NALF1: variants seen among roughly 807,000 people sequenced by gnomAD.
The protein encoded by NALF1 is NALCN channel auxiliary factor 1.
In NALF1, 3 loss-of-function variants were observed where a neutral mutation model predicts 48.4. That is an observed-to-expected ratio of 0.06 (90% confidence interval 0.03 to 0.16). The LOEUF (loss-of-function observed/expected upper bound fraction) is 0.16, where lower values mean the gene tolerates loss of function less well. NALF1 is among the 10% of genes least tolerant of loss of function. NALF1 has a pLI of 1.00. For missense variants in NALF1, 526 were observed against 571.5 expected (o/e 0.92, Z 0.81); for synonymous variants, 262 against 245.7 (o/e 1.07, Z -0.62).
At chr13:107,367,166 T>A (rs1296130500) in intron 1 of NALF1, among the ~76,000 whole-genome samples, 3 of 152,222 alleles carry the variant, frequency 2.0e-5, no homozygotes, top group Non-Finnish European at 2.9e-5. Flanking sequence ...AAAATTAATT[T>A]AAAAAAATAA....
At chr13:107,736,944 A>C (rs541420173) in intron 1 of NALF1, among the ~76,000 whole-genome samples, 1 of 152,338 alleles carries the variant, frequency 6.6e-6, no homozygotes, top group African/African-American at 2.4e-5. Context: ...CACAGCGAGG[A>C]AACCTTAATG....
intron 1 of NALF1, among the ~76,000 whole-genome samples, chr13:107,376,352 A>C (rs911445010): frequency 6.6e-6 from 1 of 152,176 alleles, no homozygotes; most frequent in Non-Finnish European, 1.5e-5. Flanking sequence ...AGAAGAATTT[A>C]CACGTTTCCT....
At chr13:107,418,306 G>C (rs568491334) in intron 1 of NALF1, among the ~76,000 whole-genome samples, 1 of 152,124 alleles carries the variant, frequency 6.6e-6, no homozygotes, top group South Asian at 2.1e-4. Flanking sequence ...AGTGTGAGCA[G>C]GGATCACTTA....
chr13:107,348,607 C>G (rs555502223), intron 1 of NALF1, among the ~76,000 whole-genome samples: 174 of 152,018 alleles, frequency 1.1e-3, no homozygotes, highest in African/African-American at 4.0e-3. Flanking sequence ...TCCCACCCCC[C>G]GGCAGGCCCC....
At chr13:107,558,945 C>G (rs1877561750) in intron 1 of NALF1, among the ~76,000 whole-genome samples, 1 of 152,180 alleles carries the variant, frequency 6.6e-6, no homozygotes, top group Admixed American at 6.5e-5. Context: ...ACACCCTTGG[C>G]TCAGTGCTGT....
At chr13:107,793,828 A>T (rs1878322950) in intron 1 of NALF1, among the ~76,000 whole-genome samples, 1 of 152,044 alleles carries the variant, frequency 6.6e-6, no homozygotes, top group Admixed American at 6.6e-5. Context: ...CTGTAAATTG[A>T]CAATGAATCA....
intron 1 of NALF1, among the ~76,000 whole-genome samples, chr13:107,522,092 A>C (rs1190198289): frequency 6.6e-6 from 1 of 152,166 alleles, no homozygotes; most frequent in Non-Finnish European, 1.5e-5. Context: ...AAGGTAATAA[A>C]GAAATAAATC....
chr13:107,698,099 G>A (rs1008096199), intron 1 of NALF1, among the ~76,000 whole-genome samples: 1 of 152,034 alleles, frequency 6.6e-6, no homozygotes, highest in African/African-American at 2.4e-5. Context: ...TATTGGTAAA[G>A]ACCATCCTCA....
intron 1 of NALF1, among the ~76,000 whole-genome samples, chr13:107,631,792 A>G (rs895216245): frequency 6.6e-6 from 1 of 152,140 alleles, no homozygotes; most frequent in African/African-American, 2.4e-5. Context: ...GATGCAGATT[A>G]TATATATAGC....
At chr13:107,233,615 G>A (rs1167856668) in intron 1 of NALF1, among the ~76,000 whole-genome samples, 1 of 152,028 alleles carries the variant, frequency 6.6e-6, no homozygotes, top group Non-Finnish European at 1.5e-5. Context: ...GGAAAAAGAG[G>A]AAAAAAATAT....
At chr13:107,224,491 C>T (rs1485204212) in intron 1 of NALF1, among the ~76,000 whole-genome samples, 1 of 149,702 alleles carries the variant, frequency 6.7e-6, no homozygotes, top group Non-Finnish European at 1.5e-5. Context: ...ATATTTTCAG[C>T]CCCAAATTGG....
At chr13:107,535,563 A>C (rs1156751404) in intron 1 of NALF1, among the ~76,000 whole-genome samples, 1 of 152,166 alleles carries the variant, frequency 6.6e-6, no homozygotes, top group Non-Finnish European at 1.5e-5. Context: ...ATCACTGCTC[A>C]ACAAAATAAA....
intron 1 of NALF1, among the ~76,000 whole-genome samples, chr13:107,828,608 C>CT (rs1566498122): frequency 8.8e-4 from 11 of 12,462 alleles, no homozygotes; most frequent in East Asian, 1.9e-3. Flanking sequence ...TATATCTATA[C>CT]ACACACACAC....
intron 1 of NALF1, among the ~76,000 whole-genome samples, chr13:107,861,589 C>T (rs1382480797): frequency 6.6e-6 from 1 of 152,172 alleles, no homozygotes; most frequent in Non-Finnish European, 1.5e-5. Context: ...TCGAGACCAT[C>T]CTGGCTTACA....
chr13:107,496,989 G>C (rs1875360634), intron 1 of NALF1, among the ~76,000 whole-genome samples: 2 of 152,078 alleles, frequency 1.3e-5, no homozygotes, highest in South Asian at 4.1e-4. Context: ...AACCATATCA[G>C]GAAACAAAGA....
At chr13:107,758,771 T>C (rs2138559407) in intron 1 of NALF1, among the ~76,000 whole-genome samples, 1 of 152,322 alleles carries the variant, frequency 6.6e-6, no homozygotes. Context: ...TGCCAAACTT[T>C]TGGCTTCTCC....
chr13:107,451,937 C>T (rs530782731), intron 1 of NALF1, among the ~76,000 whole-genome samples: 2 of 152,174 alleles, frequency 1.3e-5, no homozygotes, highest in African/African-American at 2.4e-5. Context: ...AAGTAATTCA[C>T]CCCATCTGCA....
rs112509144 is a variant in NALF1 at position 107,215,853 on chromosome 13, A to C, written c.916-5098T>G. On this transcript the variant is annotated intron_variant, in intron 1 of 2. Transcript: ENST00000375915. ...CCTATGATTAATATTTTTCCAGCAG[A>C]AGGTCAGCTTCTCATTACTTTTTAA... 3.8e-4 allele frequency among the ~76,000 whole-genome samples: 24 copies of C among 63,776 alleles called. No individual in the cohort carries two copies. The East Asian group carries it at 0.022, about 59-fold the overall frequency. 41.8% of individuals were successfully genotyped at this position (63,776 alleles called of 152,430 possible).
At chr13:107,572,063 A>C (rs1878001776) in intron 1 of NALF1, among the ~76,000 whole-genome samples, 1 of 152,192 alleles carries the variant, frequency 6.6e-6, no homozygotes, top group African/African-American at 2.4e-5. Flanking sequence ...TAATATCCTA[A>C]AACCATACAC....
Sources: allele counts gnomAD v4.1 joint callset (sites outside exome capture counted in the v4.1 genomes callset), GRCh38; gene constraint gnomAD v4.1.1; transcripts MANE v1.5; gene names NCBI Gene and HGNC (gene_info 2026-07-23, HGNC 2026-07-21).